SPACA7: variants seen among roughly 807,000 people sequenced by gnomAD.
SPACA7 encodes sperm acrosome-associated protein 7.
Under a neutral mutation model 26.3 loss-of-function variants are expected in SPACA7, and 19 were observed. The ratio of observed to expected loss-of-function variants is 0.72; its 90% CI spans 0.50 to 1.06. The LOEUF is 1.06. SPACA7 is among the 50% of genes least tolerant of loss of function. SPACA7 has a pLI of 0.00. For synonymous variants in SPACA7, 84 were observed against 84.5 expected (o/e 0.99, Z 0.04); for missense variants, 211 against 229.9 (o/e 0.92, Z 0.53).
At chr13:112,410,657 C>T (rs1886291437) in intron 5 of SPACA7, among the ~76,000 whole-genome samples, 1 of 151,930 alleles carries the variant, frequency 6.6e-6, no homozygotes, top group Non-Finnish European at 1.5e-5. Context: ...ATAGTGAGTA[C>T]TGGGGAGGAT....
chr13:112,390,201 G>C (rs911955369), intron 1 of SPACA7, among the ~76,000 whole-genome samples: 30 of 152,146 alleles, frequency 2.0e-4, no homozygotes, highest in African/African-American at 7.0e-4. Flanking sequence ...ACGGAGATTA[G>C]ATGGTGAGAA....
intron 5 of SPACA7, among the ~76,000 whole-genome samples, chr13:112,431,135 T>C (rs376819786): frequency 6.6e-6 from 1 of 152,246 alleles, no homozygotes; most frequent in East Asian, 1.9e-4. Flanking sequence ...TTCAATGGGC[T>C]TGTGTCCTTA....
rs1202722224 is a variant in SPACA7, at chr13:112,383,171, AAGAAAGAAAGAAAGAAAGAAAGAAAAG to A, written c.94+6694_94+6720del. ...AAAGAAAGAAAGAAAGAAAGAAAGA[AAGAAAGAAAGAAAGAAAGAAAGAAAAG>A]AAAGAAAGAAAGGAAAGAAGGAAGA... On this transcript the variant is annotated intron_variant, in intron 1 of 6. Coordinates refer to ENST00000283550, the MANE Select transcript of SPACA7 (RefSeq NM_145248.5). Among the ~76,000 whole-genome samples, 263 of 142,138 alleles carry A rather than the reference AAGAAAGAAAGAAAGAAAGAAAGAAAAG, an allele frequency of 1.9e-3. 5 individuals carry two copies. The highest frequency in any genetic ancestry group is 7.0e-3 in the African/African-American group (257 of 36,716). The allele number at this position is 142,138 out of a possible 152,430, so 93.2% of individuals were successfully genotyped here. A position where few individuals can be genotyped will look rare whatever the true frequency, so the allele number is the denominator to read the frequency against.
intron 5 of SPACA7, among the ~76,000 whole-genome samples, chr13:112,431,890 G>A (rs1023984404): frequency 6.6e-6 from 1 of 152,220 alleles, no homozygotes; most frequent in African/African-American, 2.4e-5. Flanking sequence ...CCGGTTTGGG[G>A]GGACTTGGAG....
chr13:112,388,117 A>G (rs904985993), intron 1 of SPACA7, among the ~76,000 whole-genome samples: 20 of 152,152 alleles, frequency 1.3e-4, no homozygotes, highest in African/African-American at 4.8e-4. Flanking sequence ...CCCTTCGGAG[A>G]TCCCTTCCAC....
chr13:112,432,941 C>A (rs1207526124), intron 6 of SPACA7, among the ~76,000 whole-genome samples: 1 of 152,180 alleles, frequency 6.6e-6, no homozygotes, highest in Non-Finnish European at 1.5e-5. Context: ...GGTGGGGACC[C>A]CCAGTCCAGC....
intron 6 of SPACA7, among the ~76,000 whole-genome samples, chr13:112,434,164 C>A (rs111288074): frequency 2.6e-5 from 4 of 152,278 alleles, no homozygotes; most frequent in African/African-American, 9.6e-5. Context: ...GGAATGAGAT[C>A]CACAGCCGGC....
chr13:112,416,905 A>G (rs1172644727), intron 5 of SPACA7, among the ~76,000 whole-genome samples: 1 of 151,912 alleles, frequency 6.6e-6, no homozygotes, highest in Admixed American at 6.6e-5. Context: ...CTCATCCTGT[A>G]GCAGATTACT....
chr13:112,424,671 C>G (rs1876351264), intron 5 of SPACA7, among the ~76,000 whole-genome samples: 2 of 152,210 alleles, frequency 1.3e-5, no homozygotes, highest in South Asian at 4.1e-4. Context: ...ACCTCCTCCT[C>G]CAGCCTGAGT....
chr13:112,425,753 G>A (rs1040343852), intron 5 of SPACA7, among the ~76,000 whole-genome samples: 10 of 152,132 alleles, frequency 6.6e-5, no homozygotes, highest in Non-Finnish European at 2.9e-5. Flanking sequence ...AAAGGATGGT[G>A]CAGCTCTGGG....
At chr13:112,434,290 G>C (rs1206924889) in intron 6 of SPACA7, among the ~76,000 whole-genome samples, 195 bp from the exon 7 acceptor site, 1 of 152,182 alleles carries the variant, frequency 6.6e-6, no homozygotes, top group African/African-American at 2.4e-5. Context: ...CCCGCAGGGA[G>C]AGCCAAAGGC....
intron 1 of SPACA7, among the ~76,000 whole-genome samples, chr13:112,383,361 T>C (rs1043377652): frequency 1.3e-5 from 2 of 152,154 alleles, no homozygotes; most frequent in East Asian, 3.8e-4. Flanking sequence ...GGAAGCATAA[T>C]TTTTCTCTCT....
At chr13:112,403,399 G>A (rs1479496676) in intron 5 of SPACA7, among the ~76,000 whole-genome samples, 1 of 151,928 alleles carries the variant, frequency 6.6e-6, no homozygotes, top group Non-Finnish European at 1.5e-5. Context: ...GATCTGTCTG[G>A]TTTATCGTTT....
intron 5 of SPACA7, among the ~76,000 whole-genome samples, chr13:112,416,804 TTGTGTG>T (rs148795567): frequency 3.4e-5 from 5 of 147,934 alleles, no homozygotes; most frequent in Non-Finnish European, 7.5e-5. Flanking sequence ...TGATTATGAG[TTGTGTG>T]TGTGTGTGTG....
intron 5 of SPACA7, among the ~76,000 whole-genome samples, chr13:112,403,666 C>T (rs144239392): frequency 6.6e-6 from 1 of 152,318 alleles, no homozygotes; most frequent in East Asian, 1.9e-4. Flanking sequence ...TGAGTGAGAA[C>T]ATACGATGTT....
intron 5 of SPACA7, among the ~76,000 whole-genome samples, chr13:112,429,340 C>T (rs1876842725): frequency 1.3e-5 from 2 of 150,410 alleles, no homozygotes; most frequent in South Asian, 4.2e-4. Context: ...GGTGCCACTG[C>T]ACTCCAGCCT....
intron 1 of SPACA7, among the ~76,000 whole-genome samples, chr13:112,378,064 T>C (rs1883807293): frequency 6.6e-6 from 1 of 152,088 alleles, no homozygotes; most frequent in African/African-American, 2.4e-5. Context: ...ATGGTTATGC[T>C]GGGGGCAGAG....
chr13:112,415,840 C>T (rs1426722979), intron 5 of SPACA7, among the ~76,000 whole-genome samples: 1 of 152,100 alleles, frequency 6.6e-6, no homozygotes, highest in Non-Finnish European at 1.5e-5. Context: ...TCAGGTTCAT[C>T]CTGCAGGGCA....
At chr13:112,421,887 C>T (rs992639986) in intron 5 of SPACA7, among the ~76,000 whole-genome samples, 5 of 152,018 alleles carry the variant, frequency 3.3e-5, no homozygotes, top group African/African-American at 1.2e-4. Context: ...CATGTTCTGA[C>T]TTATAAGTGG....
Sources: gnomAD v4.1 joint callset for allele counts (sites outside exome capture counted in the v4.1 genomes callset) on GRCh38, gnomAD v4.1.1 for gene constraint, MANE v1.5 for transcripts, NCBI Gene and HGNC (gene_info 2026-07-23, HGNC 2026-07-21) for gene names.